Variants in RNF115 observed in about 807,000 individuals in gnomAD.
RNF115 encodes the protein ring finger protein 115.
In RNF115, 31 loss-of-function variants were observed where a neutral mutation model predicts 39.2. The observed-to-expected ratio is 0.79, with a 90% CI of 0.59 to 1.07. The LOEUF is 1.07. Ranked by LOEUF, RNF115 falls within the 50% of genes least tolerant of loss-of-function variation. The probability of loss-of-function intolerance (pLI) is 0.00; values close to 1 mark genes in which losing one functional copy is unlikely to be tolerated. For missense variants in RNF115, 384 were observed against 381.7 expected (o/e 1.01, Z -0.05); for synonymous variants, 124 against 131.0 (o/e 0.95, Z 0.37).
intron 1 of RNF115, among the ~76,000 whole-genome samples, chr1:145,794,041 G>A (rs1341273030): frequency 6.6e-6 from 1 of 151,692 alleles, no homozygotes; most frequent in Non-Finnish European, 1.5e-5. Flanking sequence ...ACGGTGTTTC[G>A]CCACGATGGC....
chr1:145,795,261 T>C (rs1553719773), intron 1 of RNF115, among the ~76,000 whole-genome samples: 1 of 152,106 alleles, frequency 6.6e-6, no homozygotes, highest in East Asian at 1.9e-4. Context: ...AGGTGAGTGT[T>C]ACAGCTCATA....
intron 3 of RNF115, 59 bp downstream of exon 3, chr1:145,784,479 GC>G: frequency 7.0e-7 from 1 of 1,428,994 alleles, no homozygotes; most frequent in Admixed American, 1.7e-5. Flanking sequence ...GTTAGTATCT[GC>G]CATGATTTTA....
chr1:145,790,162 C>T (rs942050335), intron 1 of RNF115, among the ~76,000 whole-genome samples: 17 of 152,056 alleles, frequency 1.1e-4, no homozygotes, highest in South Asian at 4.2e-4. Flanking sequence ...TATTTAGAGA[C>T]GGAGTTTCAC....
At chr1:145,796,257 ACT>A (rs1490925430) in intron 1 of RNF115, among the ~76,000 whole-genome samples, 3 of 152,128 alleles carry the variant, frequency 2.0e-5, no homozygotes, top group Admixed American at 6.5e-5. Context: ...GAGCTCAAAA[ACT>A]CTATCAATTG....
chr1:145,781,947 G>A (rs1052649395), intron 3 of RNF115, among the ~76,000 whole-genome samples: 1 of 145,504 alleles, frequency 6.9e-6, no homozygotes, highest in Non-Finnish European at 1.5e-5. Flanking sequence ...TTATTGCCCA[G>A]GCTGGAGTCC....
rs1332069352 is a variant in RNF115, at chr1:145,744,057, A to T, written c.*2809T>A. 1 of 152,568 alleles carries T rather than the reference A, an allele frequency of 6.6e-6. No individual in the cohort carries two copies. Among genetic ancestry groups the T allele is most frequent in the Admixed American group, 6.5e-5 (1 of 15,272 alleles). 9.5% of individuals were successfully genotyped at this position (152,568 alleles called of 1,614,324 possible). On this transcript the variant is annotated 3_prime_UTR_variant, in exon 9 of 9. Coordinates refer to ENST00000582693, the MANE Select transcript of RNF115 (RefSeq NM_014455.4). ...ACTGTGTATAAAAAGGCAGACCCCT[A>T]TCCAGTACTTTGTTTCCACCCTTTT...
chr1:145,757,601 C>CT (rs1157759128), intron 4 of RNF115, among the ~76,000 whole-genome samples: 1 of 152,198 alleles, frequency 6.6e-6, no homozygotes, highest in Non-Finnish European at 1.5e-5. Context: ...GAAAGGATGA[C>CT]TAACAGGGTG....
Position 145,748,090 on chromosome 1 carries a change from C to T in RNF115, c.688G>A (p.Val230Ile), listed in dbSNP as rs144909190. The T allele has an allele frequency of 3.7e-6, 6 of 1,612,476 alleles. No homozygotes were observed. Among genetic ancestry groups the T allele is most frequent in the Non-Finnish European group, 5.1e-6 (6 of 1,178,690 alleles). The change falls in exon 8 of 9, where the codon GTA becomes ATA. Residue 230 changes from valine (V) to isoleucine (I), a missense_variant. By Grantham distance (29) the Val-to-Ile change is conservative. Transcript: ENST00000582693. Reference sequence around the variant, plus strand: ...TCAACTGTGTAATCTTCTTTGCATACTGGACACTCTAAACCCATATCTGTT... The same window carrying T: ...TCAACTGTGTAATCTTCTTTGCATATTGGACACTCTAAACCCATATCTGTT... ...EQVDMGLECP[V>I]CKEDYTVEEE...
chr1:145,817,615 A>AT (rs1178027807), intron 1 of RNF115, among the ~76,000 whole-genome samples: 1 of 123,274 alleles, frequency 8.1e-6, no homozygotes, highest in East Asian at 2.3e-4. Flanking sequence ...ATTTTTTTTG[A>AT]TTTTAGGTTT....
chr1:145,766,527 GT>G (rs1647281231), intron 4 of RNF115, among the ~76,000 whole-genome samples: 1 of 150,446 alleles, frequency 6.6e-6, no homozygotes, highest in Admixed American at 6.6e-5. Flanking sequence ...CCCAGACGGG[GT>G]GGTGGCCGGG....
chr1:145,743,874 T>G lies in RNF115; in HGVS notation c.*2992A>C, dbSNP rs1213661480. ...CCTAACTCCTCAACATAAATTAACC[T>G]GGACATCTGAGGTGCCTGCCATTAT... On this transcript the variant is annotated 3_prime_UTR_variant, in exon 9 of 9. Transcript: ENST00000582693. 6.6e-6 allele frequency: 1 copy of G among 151,762 alleles called. No individual in the cohort carries two copies. The highest frequency in any genetic ancestry group is 1.5e-5 in the Non-Finnish European group (1 of 67,956). The allele number at this position is 151,762 out of a possible 1,614,324, so 9.4% of individuals were successfully genotyped here.
rs1571755516 is a variant in RNF115, at chr1:145,789,046, G to A, written c.103-80C>T. The A allele has an allele frequency of 8.2e-6, 7 of 854,910 alleles. No individual in the cohort carries two copies. The East Asian group carries it at 1.7e-4, about 21-fold the overall frequency. The allele number at this position is 854,910 out of a possible 1,614,324, so 53.0% of individuals were successfully genotyped here. ...ATCTGTAGTTTCAGAATAACATGCA[G>A]TATACAAGCTGAGGCTCTGAAATGT... On this transcript the variant is annotated intron_variant, in intron 1 of 8. Coordinates refer to ENST00000582693, the MANE Select transcript of RNF115 (RefSeq NM_014455.4).
In RNF115 at chr1:145,763,229, T is replaced by A. The variant is rs944144487; in HGVS notation, c.428+8482A>T. 5.3e-5 allele frequency among the ~76,000 whole-genome samples: 8 copies of A among 152,130 alleles called. No homozygotes were observed. The South Asian group carries it at 8.3e-4, about 16-fold the overall frequency. The stretch of plus-strand genomic sequence containing the variant: ...CCGAATCTAAAATAAAAATAATAAA[T>A]TTTTAAAAGAACGTATTATTTAGGT... On this transcript the variant is annotated intron_variant, in intron 4 of 8. Transcript: ENST00000582693.
chr1:145,759,654 C>A (rs1386877608), intron 4 of RNF115, among the ~76,000 whole-genome samples: 5 of 152,124 alleles, frequency 3.3e-5, no homozygotes, highest in African/African-American at 1.2e-4. Flanking sequence ...CACCTCGCAG[C>A]CCCCCATTCT....
At chr1:145,766,308 G>C (rs1553714814) in intron 4 of RNF115, among the ~76,000 whole-genome samples, 1 of 152,118 alleles carries the variant, frequency 6.6e-6, no homozygotes. Flanking sequence ...CACAGGGTTG[G>C]GGGTAAGGTC....
chr1:145,785,442 A>G (rs1249914016), intron 2 of RNF115, among the ~76,000 whole-genome samples: 2 of 152,216 alleles, frequency 1.3e-5, no homozygotes, highest in Non-Finnish European at 2.9e-5. Flanking sequence ...TAAAATAACT[A>G]TCTATTCCCA....
chr1:145,806,782 A>G (rs1374986443), intron 1 of RNF115, among the ~76,000 whole-genome samples: 2 of 152,216 alleles, frequency 1.3e-5, no homozygotes, highest in Non-Finnish European at 2.9e-5. Flanking sequence ...TACTGTCTGC[A>G]GAGTAATGAG....
At chr1:145,781,952 G>T (rs1270364850) in intron 3 of RNF115, among the ~76,000 whole-genome samples, 1 of 149,562 alleles carries the variant, frequency 6.7e-6, no homozygotes, top group Non-Finnish European at 1.5e-5. Flanking sequence ...GCCCAGGCTG[G>T]AGTCCAGTGG....
At chr1:145,806,177 G>A (rs372975429) in intron 1 of RNF115, among the ~76,000 whole-genome samples, 10 of 151,892 alleles carry the variant, frequency 6.6e-5, no homozygotes, top group East Asian at 3.9e-4. Flanking sequence ...GTGAAACCCC[G>A]TCTCTACTAA....
Sources: allele counts gnomAD v4.1 joint callset (sites outside exome capture counted in the v4.1 genomes callset), GRCh38; gene constraint gnomAD v4.1.1; transcripts MANE v1.5; gene names NCBI Gene and HGNC (gene_info 2026-07-23, HGNC 2026-07-21).